SPATA6: variants seen among roughly 807,000 people sequenced by gnomAD.
The protein encoded by SPATA6 is spermatogenesis-associated protein 6.
A neutral mutation model predicts 65.3 loss-of-function variants in SPATA6; 56 were observed. That is an observed-to-expected ratio of 0.86 (90% CI 0.69 to 1.07). SPATA6 has a LOEUF of 1.07. Among genes scored for constraint, SPATA6 ranks in the 50% least tolerant of loss-of-function variants. The pLI is 0.00. For synonymous variants in SPATA6, 199 were observed against 213.2 expected, an observed-to-expected ratio of 0.93 and a Z score of 0.58; for missense variants, 590 against 594.8, an observed-to-expected ratio of 0.99 and a Z score of 0.08.
intron 9 of SPATA6, among the ~76,000 whole-genome samples, chr1:48,367,051 G>A (rs1266994476): frequency 2.0e-5 from 3 of 152,088 alleles, no homozygotes; most frequent in Non-Finnish European, 4.4e-5. Flanking sequence ...ATTTCATTAT[G>A]TACTCAGTAG....
At chr1:48,408,015 G>C (rs1315490306) in intron 5 of SPATA6, among the ~76,000 whole-genome samples, 2 of 152,118 alleles carry the variant, frequency 1.3e-5, no homozygotes, top group Admixed American at 6.5e-5. Context: ...ACTCTTTGAA[G>C]ACTTTCATAG....
chr1:48,314,881 A>T (rs1335204724), intron 11 of SPATA6, among the ~76,000 whole-genome samples: 1 of 152,234 alleles, frequency 6.6e-6, no homozygotes, highest in East Asian at 1.9e-4. Flanking sequence ...ATCCGACAGA[A>T]ATACAAACTA....
intron 3 of SPATA6, among the ~76,000 whole-genome samples, chr1:48,434,551 A>G (rs1037766447): frequency 6.6e-6 from 1 of 152,012 alleles, no homozygotes; most frequent in African/African-American, 2.4e-5. Context: ...TATGTTGGTA[A>G]GAGAAGGCCT....
At chr1:48,366,339 C>G (rs2354009) in intron 9 of SPATA6, among the ~76,000 whole-genome samples, 148,279 of 151,732 alleles carry the variant, frequency 0.98, 72,540 homozygotes, top group East Asian at 1. Flanking sequence ...CCCTCTTTTT[C>G]TATTGATTGG....
At chr1:48,347,960 C>G (rs1481878435) in intron 11 of SPATA6, among the ~76,000 whole-genome samples, 1 of 151,964 alleles carries the variant, frequency 6.6e-6, no homozygotes, top group Non-Finnish European at 1.5e-5. Flanking sequence ...GCCCCCTGAC[C>G]ACCAAAGCAT....
At chr1:48,447,003 G>T (rs1329553209) in intron 3 of SPATA6, among the ~76,000 whole-genome samples, 1 of 151,930 alleles carries the variant, frequency 6.6e-6, no homozygotes, top group African/African-American at 2.4e-5. Flanking sequence ...GCTAACATGA[G>T]GATGATGATG....
chr1:48,362,287 GA>G (rs1646838300), intron 9 of SPATA6, among the ~76,000 whole-genome samples: 1 of 152,004 alleles, frequency 6.6e-6, no homozygotes, highest in South Asian at 2.1e-4. Context: ...GAAAGAAAAA[GA>G]AAGTGGGAGA....
At chr1:48,371,810 T>C (rs1282684038) in intron 9 of SPATA6, among the ~76,000 whole-genome samples, 2 of 152,120 alleles carry the variant, frequency 1.3e-5, no homozygotes, top group African/African-American at 4.8e-5. Context: ...TTCGCAATCA[T>C]GGCTGAGGGT....
In SPATA6 at chr1:48,365,888, G is replaced by GT. The variant is rs572179289; in HGVS notation, c.910-6119dup. ...TCTTGTGCCAGTTTTCAAAGGGAAT[G>GT]TTCCCAGTTTTTGCCCATTCAGTAT... On this transcript the variant is annotated intron_variant, in intron 9 of 12. Coordinates refer to ENST00000371847, the MANE Select transcript of SPATA6 (RefSeq NM_019073.4). Among the ~76,000 whole-genome samples the GT allele has an allele frequency of 2.8e-3, 430 of 152,260 alleles. 2 individuals carry two copies. Among genetic ancestry groups the GT allele is most frequent in the African/African-American group, 9.9e-3 (411 of 41,540 alleles).
intron 12 of SPATA6, among the ~76,000 whole-genome samples, chr1:48,303,925 G>A (rs1644998012): frequency 6.6e-6 from 1 of 152,108 alleles, no homozygotes; most frequent in South Asian, 2.1e-4. Context: ...CATTCCAGAG[G>A]TTCATGCGAA....
the SPATA6 span, among the ~76,000 whole-genome samples, chr1:48,279,606 G>C: frequency 1.6e-4 from 24 of 152,260 alleles, no homozygotes; most frequent in African/African-American, 5.8e-4. Context: ...TAATGGTAAA[G>C]GGATCAATTC....
At chr1:48,333,420 C>T (rs1402388899) in intron 11 of SPATA6, among the ~76,000 whole-genome samples, 1 of 152,136 alleles carries the variant, frequency 6.6e-6, no homozygotes, top group Non-Finnish European at 1.5e-5. Context: ...CAGAATGAGC[C>T]ACTACTGGCT....
At chr1:48,444,173 T>C (rs1223608721) in intron 3 of SPATA6, among the ~76,000 whole-genome samples, 4 of 152,152 alleles carry the variant, frequency 2.6e-5, no homozygotes, top group Non-Finnish European at 5.9e-5. Context: ...GGATTGTAAA[T>C]GCACCAAGCA....
intron 3 of SPATA6, among the ~76,000 whole-genome samples, chr1:48,424,466 T>C (rs1444894373): frequency 6.6e-6 from 1 of 151,124 alleles, no homozygotes; most frequent in Non-Finnish European, 1.5e-5. Context: ...AGATATCTCT[T>C]TGACATACTG....
intron 7 of SPATA6, among the ~76,000 whole-genome samples, chr1:48,398,168 GT>G (rs1477726404): frequency 6.6e-6 from 1 of 151,404 alleles, no homozygotes; most frequent in Non-Finnish European, 1.5e-5. Context: ...GTGACCAAAA[GT>G]TAAAATCAAA....
chr1:48,300,961 A>C (rs1435904355), intron 12 of SPATA6, among the ~76,000 whole-genome samples: 1 of 152,124 alleles, frequency 6.6e-6, no homozygotes, highest in East Asian at 1.9e-4. Context: ...TATTATACTG[A>C]ATGGGAAAAA....
chr1:48,265,450 T>C, the SPATA6 span, among the ~76,000 whole-genome samples: 2 of 151,628 alleles, frequency 1.3e-5, no homozygotes, highest in African/African-American at 4.8e-5. Flanking sequence ...AAAAGGTATA[T>C]AGTTCACATG....
At chr1:48,350,301 T>C (rs1646481242) in intron 11 of SPATA6, among the ~76,000 whole-genome samples, 10 of 151,206 alleles carry the variant, frequency 6.6e-5, no homozygotes. Context: ...TGCTTTTCTT[T>C]CTTTTTTTTT....
intron 11 of SPATA6, among the ~76,000 whole-genome samples, chr1:48,309,372 A>G (rs1382174032): frequency 1.3e-5 from 2 of 152,110 alleles, no homozygotes; most frequent in Non-Finnish European, 2.9e-5. Context: ...GCCTGCTCGT[A>G]GGGTGCCAAT....
Sources: allele counts gnomAD v4.1 joint callset (sites outside exome capture counted in the v4.1 genomes callset), GRCh38; gene constraint gnomAD v4.1.1; transcripts MANE v1.5; gene names NCBI Gene and HGNC (gene_info 2026-07-23, HGNC 2026-07-21).